Variants in GTF3C5 observed in about 807,000 individuals in gnomAD.
GTF3C5 encodes general transcription factor IIIC subunit 5.
Under a neutral mutation model 61.0 loss-of-function variants are expected in GTF3C5, and 47 were observed. The observed-to-expected ratio is 0.77, with a 90% CI of 0.61 to 0.98. GTF3C5 has a LOEUF of 0.98. GTF3C5 is among the 50% of genes least tolerant of loss of function. The probability of loss-of-function intolerance (pLI) is 0.00; values close to 1 mark genes in which losing one functional copy is unlikely to be tolerated. For synonymous variants in GTF3C5, 295 were observed against 275.4 expected (o/e 1.07, Z -0.71); for missense variants, 659 against 703.3 (o/e 0.94, Z 0.71).
chr9:133,041,046 T>A (rs1234880504), intron 1 of GTF3C5, among the ~76,000 whole-genome samples: 1 of 151,984 alleles, frequency 6.6e-6, no homozygotes, highest in Non-Finnish European at 1.5e-5. Flanking sequence ...AAGACAAGAG[T>A]GCGAGCCTTC....
chr9:133,049,558 G>A (rs1220286624), intron 3 of GTF3C5, among the ~76,000 whole-genome samples: 3 of 152,196 alleles, frequency 2.0e-5, no homozygotes, highest in African/African-American at 4.8e-5. Flanking sequence ...GATGCACTTC[G>A]ATGAAATGCA....
At chr9:133,038,570 C>T (rs1849945754) in intron 1 of GTF3C5, among the ~76,000 whole-genome samples, 1 of 151,330 alleles carries the variant, frequency 6.6e-6, no homozygotes. Context: ...CCTGCCTCAG[C>T]CTCCTGAGTA....
rs376796771 is a variant in GTF3C5, at chr9:133,049,047, G to T, written c.573-1736G>T. On this transcript the variant is annotated intron_variant, in intron 3 of 10. Coordinates refer to ENST00000372097, the MANE Select transcript of GTF3C5 (RefSeq NM_012087.4). ...AGAGGCTGCTGGGTGGCCTGACGGG[G>T]TCGTCCTAACTGGAGGATGGTGGGT... Among the ~76,000 whole-genome samples, 4 of 152,362 alleles carry T rather than the reference G, an allele frequency of 2.6e-5. No individual in the cohort carries two copies. In the East Asian group the frequency reaches 7.7e-4, roughly 29 times the overall value.
chr9:133,044,110 A>G (rs1258086107), intron 3 of GTF3C5, 184 bp downstream of exon 3: 1 of 368,054 alleles, frequency 2.7e-6, no homozygotes, highest in Non-Finnish European at 4.8e-6. Flanking sequence ...GCGTCACTGC[A>G]CTCCAGCCCG....
At chr9:133,042,329 A>G (rs1486710550) in intron 2 of GTF3C5, 23 bp downstream of exon 2, 8 of 1,466,314 alleles carry the variant, frequency 5.5e-6, no homozygotes, top group East Asian at 4.5e-5. Context: ...TGCTCTTGCA[A>G]TGTCTGGTTA....
At chr9:133,054,641 G>A in intron 7 of GTF3C5, 71 bp from the exon 8 acceptor site, 1 of 1,451,260 alleles carries the variant, frequency 6.9e-7, no homozygotes, top group Non-Finnish European at 9.5e-7. Flanking sequence ...AGGAGGGCAG[G>A]GCATGGTGGT....
chr9:133,038,525 A>G (rs1350517118), intron 1 of GTF3C5, among the ~76,000 whole-genome samples: 3 of 142,352 alleles, frequency 2.1e-5, no homozygotes, highest in African/African-American at 8.0e-5. Flanking sequence ...ATCTCGGCTC[A>G]CTGTAACCTC....
rs1292962400 is a variant in GTF3C5, at chr9:133,058,005, GACCCGGCCAGACTGGTGTCTGGCCTA to G, written c.*27_*52del. ...ACAGGGCCCAAGGCTGGGCCTCCCT[GACCCGGCCAGACTGGTGTCTGGCCTA>G]ATGAGGGAGCCGGGGCTCCCCATTG... On this transcript the variant is annotated 3_prime_UTR_variant, in exon 11 of 11. Transcript: ENST00000372097. 6.2e-7 allele frequency: 1 copy of G among 1,612,892 alleles called. No individual in the cohort carries two copies. The highest frequency in any genetic ancestry group is 8.5e-7 in the Non-Finnish European group (1 of 1,179,596).
At position 133,042,244 on chromosome 9, in the gene GTF3C5, A is replaced by C; in HGVS notation, c.311A>C (p.His104Pro). ...RQKGVLGTEA[H>P]SEVTFDMEIL... ...AAAGGGGTGCTGGGCACTGAGGCCC[A>C]CTCCGAGGTCACATTTGACATGGAG... Residue 104 changes from histidine to proline, a missense_variant, in exon 2 of 11, where the codon CAC becomes CCC. Transcript: ENST00000372097. 6.2e-7 allele frequency: 1 copy of C among 1,613,934 alleles called. No homozygotes were observed. The highest frequency in any genetic ancestry group is 2.2e-5 in the East Asian group (1 of 44,884).
At chr9:133,055,959 C>T in intron 8 of GTF3C5, 53 bp from the exon 9 acceptor site, 5 of 1,610,068 alleles carry the variant, frequency 3.1e-6, no homozygotes, top group Non-Finnish European at 4.2e-6. Context: ...GCAACACTGG[C>T]AGCCCCAGGG....
chr9:133,040,905 C>T (rs1206631252), intron 1 of GTF3C5, among the ~76,000 whole-genome samples: 2 of 152,140 alleles, frequency 1.3e-5, no homozygotes, highest in African/African-American at 4.8e-5. Flanking sequence ...ATATGAATAT[C>T]ATTAATCATT....
intron 1 of GTF3C5, among the ~76,000 whole-genome samples, chr9:133,040,521 A>G (rs1850006773): frequency 1.3e-5 from 2 of 152,356 alleles, no homozygotes; most frequent in African/African-American, 2.4e-5. Flanking sequence ...GTCGTATGAC[A>G]TAGATGCTAT....
intron 4 of GTF3C5, 58 bp from the exon 5 acceptor site, chr9:133,052,001 AG>A: frequency 2.3e-6 from 2 of 879,380 alleles, no homozygotes. Flanking sequence ...TTGGGAGTTC[AG>A]GGCCGAAGGG....
chr9:133,046,601 C>T (rs1367270958), intron 3 of GTF3C5, among the ~76,000 whole-genome samples: 1 of 152,168 alleles, frequency 6.6e-6, no homozygotes, highest in African/African-American at 2.4e-5. Context: ...TGGCCCAGGG[C>T]ACTCCCTGGA....
At chr9:133,047,383 C>A (rs1004799452) in intron 3 of GTF3C5, among the ~76,000 whole-genome samples, 1 of 152,120 alleles carries the variant, frequency 6.6e-6, no homozygotes, top group Non-Finnish European at 1.5e-5. Context: ...AAAAACAAAA[C>A]ATTGTGGAAA....
chr9:133,048,422 G>A (rs897333530), intron 3 of GTF3C5, among the ~76,000 whole-genome samples: 3 of 152,046 alleles, frequency 2.0e-5, no homozygotes, highest in South Asian at 2.1e-4. Flanking sequence ...GCGTGAACCC[G>A]CGAGGCGGAG....
intron 1 of GTF3C5, among the ~76,000 whole-genome samples, chr9:133,040,491 A>T (rs1280723219): frequency 6.6e-6 from 1 of 152,218 alleles, no homozygotes; most frequent in Non-Finnish European, 1.5e-5. Context: ...GCTGTGCTTT[A>T]TAGATATTTA....
chr9:133,054,343 A>T (rs1412981575), intron 6 of GTF3C5, 65 bp from the exon 7 acceptor site: 2 of 1,342,518 alleles, frequency 1.5e-6, no homozygotes, highest in Non-Finnish European at 2.1e-6. Context: ...CTCCAGTGTG[A>T]AGCCAGTGTT....
chr9:133,048,992 T>C (rs958559903), intron 3 of GTF3C5, among the ~76,000 whole-genome samples: 14 of 152,290 alleles, frequency 9.2e-5, no homozygotes, highest in Admixed American at 2.0e-4. Flanking sequence ...CCTGGGGAGA[T>C]TGAGCTTCCC....
Sources: gnomAD v4.1 joint callset for allele counts (sites outside exome capture counted in the v4.1 genomes callset) on GRCh38, gnomAD v4.1.1 for gene constraint, MANE v1.5 for transcripts, NCBI Gene and HGNC (gene_info 2026-07-23, HGNC 2026-07-21) for gene names.